The following PDE1C variants were observed in gnomAD, a reference collection of about 807,000 sequenced individuals.
PDE1C encodes dual specificity calcium/calmodulin-dependent 3',5'-cyclic nucleotide phosphodiesterase 1C.
A neutral mutation model predicts 93.1 loss-of-function variants in PDE1C; 62 were observed. That is an observed-to-expected ratio of 0.67 (90% CI 0.54 to 0.82). PDE1C has a LOEUF of 0.82. Among genes scored for constraint, PDE1C ranks in the 40% least tolerant of loss-of-function variants. The probability of loss-of-function intolerance (pLI) is 0.00; values close to 1 mark genes in which losing one functional copy is unlikely to be tolerated. For missense variants in PDE1C, 742 were observed against 884.6 expected, an observed-to-expected ratio of 0.84 and a Z score of 2.04; for synonymous variants, 325 against 310.1, an observed-to-expected ratio of 1.05 and a Z score of -0.50.
chr7:31,945,677 A>G (rs1216174283), intron 2 of PDE1C, among the ~76,000 whole-genome samples: 1 of 151,962 alleles, frequency 6.6e-6, no homozygotes, highest in African/African-American at 2.4e-5. Flanking sequence ...CCTACTTGGC[A>G]CTCTCTGAGC....
intron 1 of PDE1C, among the ~76,000 whole-genome samples, chr7:32,056,654 T>TTTA (rs1794155839): frequency 6.6e-6 from 1 of 152,196 alleles, no homozygotes; most frequent in Admixed American, 6.5e-5. Context: ...TTTAGCATAG[T>TTTA]GCTGGGCATC....
intron 1 of PDE1C, among the ~76,000 whole-genome samples, chr7:32,272,932 A>G (rs1473962239): frequency 6.6e-6 from 1 of 152,236 alleles, no homozygotes; most frequent in Non-Finnish European, 1.5e-5. Context: ...AAATGGGTCT[A>G]TACTATAATA....
intron 7 of PDE1C, among the ~76,000 whole-genome samples, chr7:31,857,519 T>A (rs1296851829): frequency 6.6e-6 from 1 of 152,132 alleles, no homozygotes; most frequent in Non-Finnish European, 1.5e-5. Flanking sequence ...CAAAGGTACA[T>A]CAGCCATTTT....
chr7:31,924,723 G>A (rs1226324140), intron 2 of PDE1C, among the ~76,000 whole-genome samples: 3 of 152,154 alleles, frequency 2.0e-5, no homozygotes, highest in African/African-American at 7.2e-5. Context: ...ATGGGCACTG[G>A]CCCATGCTCT....
At chr7:31,823,532 C>T (rs1346429437) in intron 13 of PDE1C, among the ~76,000 whole-genome samples, 1 of 152,076 alleles carries the variant, frequency 6.6e-6, no homozygotes, top group Non-Finnish European at 1.5e-5. Context: ...AGAATCCCCT[C>T]ATGTGAATTT....
rs149902818 is a variant in PDE1C, at chr7:31,848,312, T to C, written c.852-216A>G. ...TCAGTACATGTGTGGGCAGGAAATA[T>C]GTGACATCCAGCCTGAGAACTCTCT... On this transcript the variant is annotated intron_variant, in intron 8 of 17. Coordinates refer to ENST00000396191, the MANE Select transcript of PDE1C (RefSeq NM_001191057.4). Among the ~76,000 whole-genome samples, 28 of 152,318 alleles carry C rather than the reference T, an allele frequency of 1.8e-4. No homozygotes were observed. In the East Asian group the frequency reaches 5.2e-3, roughly 28 times the overall value.
intron 2 of PDE1C, among the ~76,000 whole-genome samples, chr7:32,012,885 T>C (rs945724514): frequency 6.6e-6 from 1 of 152,234 alleles, no homozygotes; most frequent in Non-Finnish European, 1.5e-5. Context: ...ATTTTCCAGC[T>C]GTAAAATGAT....
At chr7:31,873,235 T>C (rs1796152396) in intron 6 of PDE1C, 57 bp downstream of exon 6, 2 of 1,039,036 alleles carry the variant, frequency 1.9e-6, no homozygotes, top group Admixed American at 2.0e-5. Flanking sequence ...AAAAGTCATA[T>C]GAGGATAAAC....
chr7:32,414,540 G>A (rs181046381), intron 1 of PDE1C, among the ~76,000 whole-genome samples: 44 of 152,222 alleles, frequency 2.9e-4, no homozygotes, highest in Middle Eastern at 3.4e-3. Context: ...TTTGCAACAA[G>A]CATGCTTTTT....
intron 1 of PDE1C, among the ~76,000 whole-genome samples, chr7:32,379,330 AAC>A (rs1784490161): frequency 6.6e-6 from 1 of 152,240 alleles, no homozygotes; most frequent in African/African-American, 2.4e-5. Context: ...AGGGCTGGAA[AAC>A]AGAGTGGTTT....
rs1440956773 is a variant in PDE1C at position 32,290,301 on chromosome 7, G to A, written c.85+8350C>T. 2.6e-5 allele frequency among the ~76,000 whole-genome samples: 4 copies of A among 152,220 alleles called. No homozygotes were observed. The East Asian group carries it at 7.7e-4, about 29-fold the overall frequency. ...GCAGCCGTGCCAGAATGCTACATAA[G>A]TGGCTGGTGGAGGGTTGGCAGAGGC... On this transcript the variant is annotated intron_variant, in intron 1 of 18. Transcript: ENST00000396193.
At chr7:32,253,146 C>T (rs10951327) in intron 1 of PDE1C, among the ~76,000 whole-genome samples, 43,391 of 152,028 alleles carry the variant, frequency 0.29, 6,596 homozygotes, top group East Asian at 0.45. Context: ...TTAGAAAGAA[C>T]AATATTTAAT....
intron 2 of PDE1C, among the ~76,000 whole-genome samples, chr7:31,968,028 A>C (rs1240256861): frequency 6.6e-6 from 1 of 152,220 alleles, no homozygotes; most frequent in Non-Finnish European, 1.5e-5. Context: ...GACTGGAAGC[A>C]TTCCCTTTGA....
At chr7:32,237,771 T>A (rs1428670740) in intron 1 of PDE1C, among the ~76,000 whole-genome samples, 2 of 132,580 alleles carry the variant, frequency 1.5e-5, no homozygotes, top group South Asian at 5.0e-4. Flanking sequence ...TACTTTTTTT[T>A]TTTTTTTTTT....
At chr7:31,734,143 C>G in the PDE1C span, among the ~76,000 whole-genome samples, 1 of 152,128 alleles carries the variant, frequency 6.6e-6, no homozygotes, top group Non-Finnish European at 1.5e-5. Context: ...TACTGAGCAC[C>G]TAGTATGAGG....
intron 1 of PDE1C, among the ~76,000 whole-genome samples, chr7:32,347,197 C>T (rs768260772): frequency 3.0e-4 from 46 of 152,304 alleles, no homozygotes; most frequent in Non-Finnish European, 5.6e-4. Flanking sequence ...CCTCAGTCTA[C>T]ACCCAAGGGA....
chr7:31,742,863 G>T, the PDE1C span, among the ~76,000 whole-genome samples: 846 of 152,248 alleles, frequency 5.6e-3, 11 homozygotes, highest in African/African-American at 0.019. Context: ...TCTGTCCCCA[G>T]TGTGGTCCCT....
intron 3 of PDE1C, among the ~76,000 whole-genome samples, chr7:32,081,510 G>A (rs752887153): frequency 1.3e-5 from 2 of 152,296 alleles, no homozygotes; most frequent in Middle Eastern, 3.4e-3. Flanking sequence ...GTTTCCTACT[G>A]ATAACTGGAT....
intron 2 of PDE1C, among the ~76,000 whole-genome samples, chr7:31,935,681 G>A (rs946508566): frequency 1.3e-5 from 2 of 152,028 alleles, no homozygotes; most frequent in African/African-American, 2.4e-5. Flanking sequence ...TTTACAATCC[G>A]GTCAGCGTAA....
Sources: allele counts gnomAD v4.1 joint callset (sites outside exome capture counted in the v4.1 genomes callset), GRCh38; gene constraint gnomAD v4.1.1; transcripts MANE v1.5; gene names NCBI Gene and HGNC (gene_info 2026-07-23, HGNC 2026-07-21).